PLCB1: variants seen among roughly 807,000 people sequenced by gnomAD.
PLCB1 encodes the protein phospholipase C beta 1, also known as 1-phosphatidylinositol 4,5-bisphosphate phosphodiesterase beta-1.
In PLCB1, 46 loss-of-function variants were observed where a neutral mutation model predicts 161.8. The observed-to-expected ratio is 0.28, with a 90% CI of 0.22 to 0.36. The LOEUF is 0.36. Ranked by LOEUF, PLCB1 falls within the 10% of genes least tolerant of loss-of-function variation. PLCB1 has a pLI of 1.00. For synonymous variants in PLCB1, 517 were observed against 503.7 expected (o/e 1.03, Z -0.35); for missense variants, 1,016 against 1,472.5 (o/e 0.69, Z 5.07).
At chr20:8,631,097 G>A (rs148382136) in intron 4 of PLCB1, among the ~76,000 whole-genome samples, 2 of 152,300 alleles carry the variant, frequency 1.3e-5, no homozygotes, top group East Asian at 3.9e-4. Context: ...CTTAAGATTT[G>A]CAAGTACCAC....
At chr20:8,145,205 C>T (rs1049306211) in intron 1 of PLCB1, among the ~76,000 whole-genome samples, 2 of 152,136 alleles carry the variant, frequency 1.3e-5, no homozygotes, top group Admixed American at 6.5e-5. Flanking sequence ...CCAGGCCTCT[C>T]GTCTTGGCTG....
At chr20:8,566,824 T>C (rs1410622660) in intron 3 of PLCB1, among the ~76,000 whole-genome samples, 1 of 146,884 alleles carries the variant, frequency 6.8e-6, no homozygotes, top group Admixed American at 6.8e-5. Flanking sequence ...TTTTTTTTTT[T>C]CAAACTACAC....
chr20:8,657,153 C>A, intron 7 of PLCB1, 31 bp from the exon 8 acceptor site: 1 of 1,247,496 alleles, frequency 8.0e-7, no homozygotes, highest in Non-Finnish European at 1.2e-6. Context: ...GGAAAAAGAC[C>A]ATTTGCTGAC....
At chr20:8,526,285 C>T (rs1984583385) in intron 3 of PLCB1, among the ~76,000 whole-genome samples, 1 of 152,092 alleles carries the variant, frequency 6.6e-6, no homozygotes, top group African/African-American at 2.4e-5. Flanking sequence ...TTTATTTGAG[C>T]ACTGGCTCTA....
In PLCB1 at chr20:8,717,781, C is replaced by T. The variant is rs372481162; in HGVS notation, c.1446C>T (p.Leu482=). The change falls in exon 14 of 32, where the codon CTC becomes CTT. Residue 482 remains leucine (L), a synonymous_variant. Coordinates refer to ENST00000338037, the MANE Select transcript of PLCB1 (RefSeq NM_015192.4). ...CAGAAGGAAGCGGCAAAAAGAAGCTCTCAGAACAAGCCTCCAACACCTACA... is the reference window on the plus strand; with the variant it reads ...CAGAAGGAAGCGGCAAAAAGAAGCTTTCAGAACAAGCCTCCAACACCTACA... ...KSSEGSGKKK[L]SEQASNTYSD... is the part of the protein sequence containing the mutation. 12 of 1,613,972 alleles carry T rather than the reference C, an allele frequency of 7.4e-6. No individual in the cohort carries two copies. The highest frequency in any genetic ancestry group is 1.3e-5 in the African/African-American group (1 of 74,930).
Position 8,669,108 on chromosome 20 carries a change from A to G in PLCB1, c.862+10404A>G, listed in dbSNP as rs896756790. ...GGAGAAAATTCTAATATCACAAATA[A>G]TTATAAAACAAGTTATAATGTGATT... On this transcript the variant is annotated intron_variant, in intron 9 of 31. Transcript: ENST00000338037. Among the ~76,000 whole-genome samples, 13 of 152,354 alleles carry G rather than the reference A, an allele frequency of 8.5e-5. No homozygotes were observed. The South Asian group carries it at 2.7e-3, about 32-fold the overall frequency.
At position 8,549,995 on chromosome 20, in the gene PLCB1, G is replaced by T. The variant is rs546264471; in HGVS notation, c.247-78299G>T. 3.3e-5 allele frequency among the ~76,000 whole-genome samples: 5 copies of T among 152,134 alleles called. No homozygotes were observed. In the South Asian group the frequency reaches 1.0e-3, roughly 32 times the overall value. ...TCCTGAGGCCTTTGGCTGGATTTTG[G>T]ACTTGCATGGGGCCTGTAGCCCCTT... On this transcript the variant is annotated intron_variant, in intron 3 of 31. Transcript: ENST00000338037.
At chr20:8,333,075 G>A (rs1043743071) in intron 2 of PLCB1, among the ~76,000 whole-genome samples, 64 of 152,184 alleles carry the variant, frequency 4.2e-4, no homozygotes, top group African/African-American at 1.5e-3. Context: ...GAGAAGTGAT[G>A]TGTGTCACTT....
At chr20:8,539,668 C>CTTTCTTTCTTTCTTTCT in intron 3 of PLCB1, among the ~76,000 whole-genome samples, 3 of 94,030 alleles carry the variant, frequency 3.2e-5, no homozygotes, top group African/African-American at 1.3e-4. Context: ...TTCTTTCTTT[C>CTTTCTTTCTTTCTTTCT]TTTCTTTCTT....
chr20:8,654,094 T>C (rs749471014), intron 7 of PLCB1, among the ~76,000 whole-genome samples: 9 of 152,094 alleles, frequency 5.9e-5, no homozygotes, highest in Non-Finnish European at 1.2e-4. Context: ...GGCATTTGGA[T>C]ATGACATTAC....
chr20:8,349,110 TA>T (rs1254266892), intron 2 of PLCB1, among the ~76,000 whole-genome samples: 1 of 152,092 alleles, frequency 6.6e-6, no homozygotes, highest in African/African-American at 2.4e-5. Context: ...AAAACAATAT[TA>T]AAAACTCCAT....
Position 8,657,180 on chromosome 20 carries a change from C to G in PLCB1, c.595-4C>G, listed in dbSNP as rs769584337. 6.4e-7 allele frequency: 1 copy of G among 1,565,992 alleles called. No individual in the cohort carries two copies. Among genetic ancestry groups the G allele is most frequent in the Non-Finnish European group, 8.8e-7 (1 of 1,137,064 alleles). On this transcript the variant is annotated splice_polypyrimidine_tract_variant and splice_region_variant and intron_variant, in intron 7 of 31. Coordinates refer to ENST00000338037, the MANE Select transcript of PLCB1 (RefSeq NM_015192.4). ...TTTGCTGACTCCGTTGTTTTATTTC[C>G]CAGAATGATTCAATACCTCAAGAAG...
rs115310265 is a variant in PLCB1, at chr20:8,764,264, C to T, written c.2711-875C>T. Among the ~76,000 whole-genome samples, 925 of 152,210 alleles carry T rather than the reference C, an allele frequency of 6.1e-3. 7 individuals carry two copies. Among genetic ancestry groups the T allele is most frequent in the African/African-American group, 0.021 (890 of 41,526 alleles). ...TGCAAATTATATTAAGGTATCTTCC[C>T]TCAAGACACTTTACTGCTATATGCT... On this transcript the variant is annotated intron_variant, in intron 25 of 31. Transcript: ENST00000338037.
intron 2 of PLCB1, among the ~76,000 whole-genome samples, chr20:8,343,837 A>G (rs1985900380): frequency 6.6e-6 from 1 of 152,200 alleles, no homozygotes; most frequent in Non-Finnish European, 1.5e-5. Flanking sequence ...GAATAAACAT[A>G]TACTATAGAG....
chr20:8,142,827 CAG>C (rs1425793871), intron 1 of PLCB1, among the ~76,000 whole-genome samples: 31 of 152,308 alleles, frequency 2.0e-4, no homozygotes, highest in African/African-American at 7.5e-4. Flanking sequence ...TCTTTGTGTA[CAG>C]AGGCAATGGA....
chr20:8,784,602 G>A (rs1983397139), intron 27 of PLCB1, among the ~76,000 whole-genome samples: 1 of 151,316 alleles, frequency 6.6e-6, no homozygotes, highest in South Asian at 2.1e-4. Flanking sequence ...AGGTGGGGCT[G>A]TGTAGTAAGG....
chr20:8,132,392 C>T lies in PLCB1; in HGVS notation c.-260C>T. 3.6e-6 allele frequency: 1 copy of T among 278,006 alleles called. No individual in the cohort carries two copies. The highest frequency in any genetic ancestry group is 6.7e-6 in the Non-Finnish European group (1 of 149,602). The allele number at this position is 278,006 out of a possible 1,614,324, so 17.2% of individuals were successfully genotyped here. ...ACCGGCTCGGCTTCTCTTCGCCTTC[C>T]GAGGCTCCTCATCCACCGCGGGCTC... On this transcript the variant is annotated 5_prime_UTR_variant, in exon 1 of 32. Transcript: ENST00000338037. The surrounding 1 kb of genome is among the most constrained non-coding windows in gnomAD (Gnocchi z 5.2).
At chr20:8,354,665 G>A (rs745730614) in intron 2 of PLCB1, among the ~76,000 whole-genome samples, 5 of 152,142 alleles carry the variant, frequency 3.3e-5, no homozygotes, top group Admixed American at 6.5e-5. Flanking sequence ...CCCTCTGAGC[G>A]GAGGAGAGTT....
intron 2 of PLCB1, among the ~76,000 whole-genome samples, chr20:8,296,139 G>T (rs754216893): frequency 6.6e-6 from 1 of 152,140 alleles, no homozygotes; most frequent in Non-Finnish European, 1.5e-5. Context: ...TTTTTAAAAC[G>T]AATATGTGGT....
Sources: allele counts gnomAD v4.1 joint callset (sites outside exome capture counted in the v4.1 genomes callset), GRCh38; gene constraint gnomAD v4.1.1; non-coding constraint Gnocchi (gnomAD v3.1); transcripts MANE v1.5; gene names NCBI Gene and HGNC (gene_info 2026-07-23, HGNC 2026-07-21).